The following ADAM22 variants were observed in gnomAD, a reference collection of about 807,000 sequenced individuals.
ADAM22 encodes disintegrin and metalloproteinase domain-containing protein 22.
Under a neutral mutation model 144.6 loss-of-function variants are expected in ADAM22, and 65 were observed. The ratio of observed to expected loss-of-function variants is 0.45; its 90% CI spans 0.37 to 0.55. ADAM22 has a LOEUF of 0.55. ADAM22 is among the 20% of genes least tolerant of loss of function. The probability of loss-of-function intolerance (pLI) is 0.00; values close to 1 mark genes in which losing one functional copy is unlikely to be tolerated. For synonymous variants in ADAM22, 391 were observed against 412.6 expected, an observed-to-expected ratio of 0.95 and a Z score of 0.63; for missense variants, 974 against 1,184.9, an observed-to-expected ratio of 0.82 and a Z score of 2.61.
chr7:88,018,073 A>G (rs1190727671), intron 3 of ADAM22, among the ~76,000 whole-genome samples: 1 of 152,122 alleles, frequency 6.6e-6, no homozygotes, highest in African/African-American at 2.4e-5. Flanking sequence ...TTTAAGAAAG[A>G]TCTGTTGTTC....
At chr7:88,153,098 T>G (rs1838931162) in intron 20 of ADAM22, 123 bp from the exon 21 acceptor site, 6 of 596,898 alleles carry the variant, frequency 1.0e-5, no homozygotes, top group Non-Finnish European at 1.8e-5. Flanking sequence ...GTTGGTAACA[T>G]TTTTGGAATT....
chr7:88,182,190 T>G, intron 29 of ADAM22, 166 bp downstream of exon 29: 1 of 604,610 alleles, frequency 1.7e-6, no homozygotes, highest in Non-Finnish European at 2.8e-6. Flanking sequence ...CTTTTCTCTC[T>G]TACATAGGCA....
At chr7:88,062,377 A>G (rs997190371) in intron 3 of ADAM22, among the ~76,000 whole-genome samples, 3 of 152,042 alleles carry the variant, frequency 2.0e-5, no homozygotes, top group Non-Finnish European at 4.4e-5. Context: ...CCTTCTTTAA[A>G]CCTCATCAAG....
intron 3 of ADAM22, among the ~76,000 whole-genome samples, chr7:87,982,940 C>T (rs1429104325): frequency 6.6e-6 from 1 of 151,442 alleles, no homozygotes; most frequent in Non-Finnish European, 1.5e-5. Flanking sequence ...ATCCACCTGC[C>T]TCGGCCTCCC....
At chr7:88,191,789 C>T (rs1053529975) in intron 30 of ADAM22, among the ~76,000 whole-genome samples, 3 of 152,146 alleles carry the variant, frequency 2.0e-5, no homozygotes, top group African/African-American at 4.8e-5. Context: ...AGGAGTGGTC[C>T]TAGCCATTTT....
intron 14 of ADAM22, among the ~76,000 whole-genome samples, chr7:88,142,804 C>G (rs376624494): frequency 9.3e-5 from 14 of 150,890 alleles, no homozygotes; most frequent in Admixed American, 5.9e-4. Context: ...TGCCACTGCA[C>G]TCCAGCCTGG....
At chr7:87,969,466 CTG>C (rs1459105829) in intron 2 of ADAM22, among the ~76,000 whole-genome samples, 1 of 152,208 alleles carries the variant, frequency 6.6e-6, no homozygotes, top group Non-Finnish European at 1.5e-5. Context: ...CCTCTTGTGA[CTG>C]TGAGTTTCCT....
At chr7:88,184,856 G>C (rs1563419984) in intron 29 of ADAM22, among the ~76,000 whole-genome samples, 2 of 152,284 alleles carry the variant, frequency 1.3e-5, no homozygotes, top group Admixed American at 1.3e-4. Flanking sequence ...TCCATCAAGT[G>C]CAAGTCAAGC....
intron 7 of ADAM22, 80 bp from the exon 8 acceptor site, chr7:88,125,509 G>A (rs1830203189): frequency 1.1e-6 from 1 of 875,222 alleles, no homozygotes; most frequent in Non-Finnish European, 1.8e-6. Flanking sequence ...TCATAAGAAG[G>A]AAGGGCAGGT....
At chr7:87,973,182 A>G (rs1470045700) in intron 2 of ADAM22, among the ~76,000 whole-genome samples, 6 of 152,356 alleles carry the variant, frequency 3.9e-5, no homozygotes, top group Middle Eastern at 3.4e-3. Flanking sequence ...AAATTTTTGC[A>G]ACCTACTTAT....
At chr7:88,046,732 G>GT (rs780194628) in intron 3 of ADAM22, among the ~76,000 whole-genome samples, 46 of 152,146 alleles carry the variant, frequency 3.0e-4, no homozygotes, top group Non-Finnish European at 5.4e-4. Flanking sequence ...TATTTTGAGT[G>GT]TTTTTTATAT....
chr7:87,954,721 A>G (rs1461986215), intron 2 of ADAM22, among the ~76,000 whole-genome samples: 6 of 152,158 alleles, frequency 3.9e-5, no homozygotes, highest in Non-Finnish European at 5.9e-5. Flanking sequence ...TCTCCTGGAT[A>G]ATATCCTGCA....
intron 3 of ADAM22, among the ~76,000 whole-genome samples, chr7:88,064,394 T>C (rs1810665017): frequency 6.6e-6 from 1 of 152,200 alleles, no homozygotes; most frequent in African/African-American, 2.4e-5. Flanking sequence ...TTGAGTAAAT[T>C]ACCTTTCTGT....
chr7:88,152,101 A>G (rs1047147089), intron 20 of ADAM22, among the ~76,000 whole-genome samples: 7 of 152,138 alleles, frequency 4.6e-5, no homozygotes, highest in Non-Finnish European at 5.9e-5. Context: ...GGGGAAGTGT[A>G]TGCTCTCTTT....
At chr7:88,053,700 C>A (rs1013428827) in intron 3 of ADAM22, among the ~76,000 whole-genome samples, 2 of 152,054 alleles carry the variant, frequency 1.3e-5, no homozygotes, top group South Asian at 4.2e-4. Context: ...AGAGCTAATT[C>A]CATACTAATA....
intron 3 of ADAM22, among the ~76,000 whole-genome samples, chr7:88,015,939 C>CT (rs5885608): frequency 0.42 from 63,673 of 150,692 alleles, 13,870 homozygotes; most frequent in South Asian, 0.58. Context: ...TCAAATCCTT[C>CT]TTTTTTTTTA....
intron 2 of ADAM22, among the ~76,000 whole-genome samples, chr7:87,968,713 C>A (rs1195044786): frequency 6.6e-6 from 1 of 152,134 alleles, no homozygotes; most frequent in Non-Finnish European, 1.5e-5. Flanking sequence ...AAGAGCATGA[C>A]CCTATCTCTA....
chr7:88,107,120 C>T (rs1824595565), intron 4 of ADAM22, among the ~76,000 whole-genome samples: 1 of 151,484 alleles, frequency 6.6e-6, no homozygotes, highest in Admixed American at 6.6e-5. Context: ...AATTTAGTGA[C>T]TCTCAAATGA....
chr7:87,977,555 G>C (rs186659827), intron 2 of ADAM22, among the ~76,000 whole-genome samples: 4 of 152,180 alleles, frequency 2.6e-5, no homozygotes. Flanking sequence ...TTTGGATATA[G>C]CTACTGTTCA....
Sources: allele counts gnomAD v4.1 joint callset (sites outside exome capture counted in the v4.1 genomes callset), GRCh38; gene constraint gnomAD v4.1.1; transcripts MANE v1.5; gene names NCBI Gene and HGNC (gene_info 2026-07-23, HGNC 2026-07-21).